SLC7A1: variants seen among roughly 807,000 people sequenced by gnomAD.
SLC7A1 encodes the protein solute carrier family 7 member 1.
A neutral mutation model predicts 53.9 loss-of-function variants in SLC7A1; 10 were observed. The observed-to-expected ratio is 0.19, with a 90% CI of 0.11 to 0.31. The LOEUF (loss-of-function observed/expected upper bound fraction) is 0.31. Among genes scored for constraint, SLC7A1 ranks in the 10% least tolerant of loss-of-function variants. The pLI is 1.00. For synonymous variants in SLC7A1, 342 were observed against 338.7 expected (o/e 1.01, Z -0.11); for missense variants, 525 against 827.2 (o/e 0.63, Z 4.48).
At chr13:29,564,091 G>C (rs1424715062) in intron 1 of SLC7A1, among the ~76,000 whole-genome samples, 1 of 152,200 alleles carries the variant, frequency 6.6e-6, no homozygotes, top group Non-Finnish European at 1.5e-5. Flanking sequence ...ATAGTGGGGA[G>C]AAAGAGGAAG....
Position 29,566,294 on chromosome 13 carries a change from A to G in SLC7A1, c.-114-12434T>C, listed in dbSNP as rs595454. 3.5e-3 allele frequency among the ~76,000 whole-genome samples: 535 copies of G among 152,368 alleles called. 4 individuals carry two copies. The highest frequency in any genetic ancestry group is 0.012 in the African/African-American group (502 of 41,594). ...TTAAGGTCAATGCTCAAGATAAAGG[A>G]AAGCAAGTGTCCACATGAAAATGTA... On this transcript the variant is annotated intron_variant, in intron 1 of 12. Coordinates refer to ENST00000380752, the MANE Select transcript of SLC7A1 (RefSeq NM_003045.5).
chr13:29,583,356 T>C (rs1345017117), intron 1 of SLC7A1, among the ~76,000 whole-genome samples: 2 of 152,370 alleles, frequency 1.3e-5, no homozygotes, highest in East Asian at 3.9e-4. Context: ...ATGCTTTCCC[T>C]CTGTCCCTGC....
intron 5 of SLC7A1, 108 bp from the exon 6 acceptor site, chr13:29,524,361 T>C: frequency 7.2e-7 from 1 of 1,391,592 alleles, no homozygotes; most frequent in Non-Finnish European, 9.8e-7. Context: ...CAGCCCTCCC[T>C]GTTACCGCTG....
intron 2 of SLC7A1, among the ~76,000 whole-genome samples, chr13:29,540,801 A>C (rs558868991): frequency 3.8e-4 from 58 of 152,286 alleles, no homozygotes; most frequent in Non-Finnish European, 2.9e-5. Flanking sequence ...GAAATCTTTC[A>C]CCCTCGCAGG....
At chr13:29,578,117 G>A (rs1333808142) in intron 1 of SLC7A1, among the ~76,000 whole-genome samples, 2 of 151,950 alleles carry the variant, frequency 1.3e-5, no homozygotes, top group African/African-American at 2.4e-5. Context: ...TCTCATTTTC[G>A]GGATCTTTCA....
intron 8 of SLC7A1, 26 bp downstream of exon 8, chr13:29,522,291 C>T: frequency 1.2e-6 from 2 of 1,612,578 alleles, no homozygotes; most frequent in African/African-American, 2.7e-5. Flanking sequence ...AAAACATTTC[C>T]ATGTGAAATG....
At chr13:29,561,953 T>A (rs1260246448) in intron 1 of SLC7A1, among the ~76,000 whole-genome samples, 1 of 152,180 alleles carries the variant, frequency 6.6e-6, no homozygotes, top group African/African-American at 2.4e-5. Context: ...GTCCTGAAAG[T>A]CCAAATCTTA....
chr13:29,564,312 T>C (rs1028877667), intron 1 of SLC7A1, among the ~76,000 whole-genome samples: 2 of 152,334 alleles, frequency 1.3e-5, no homozygotes, highest in East Asian at 3.9e-4. Flanking sequence ...GTGCCTACGA[T>C]GCACCAGTGC....
At chr13:29,560,132 TTTTTG>T (rs1431336271) in intron 1 of SLC7A1, among the ~76,000 whole-genome samples, 17 of 151,394 alleles carry the variant, frequency 1.1e-4, no homozygotes, top group African/African-American at 4.2e-4. Flanking sequence ...ATTTTGAATT[TTTTTG>T]TTTTTTTTTA....
chr13:29,572,267 C>T (rs1172510685), intron 1 of SLC7A1, among the ~76,000 whole-genome samples: 1 of 152,234 alleles, frequency 6.6e-6, no homozygotes, highest in Admixed American at 6.5e-5. Flanking sequence ...GTGCGGGCCC[C>T]CCAGCCCTCA....
chr13:29,585,775 C>G (rs1871854922), intron 1 of SLC7A1, among the ~76,000 whole-genome samples: 1 of 152,196 alleles, frequency 6.6e-6, no homozygotes, highest in South Asian at 2.1e-4. Context: ...GAGGAAAGGA[C>G]AGCTGTGACA....
At chr13:29,574,714 G>A (rs979558678) in intron 1 of SLC7A1, among the ~76,000 whole-genome samples, 1 of 143,688 alleles carries the variant, frequency 7.0e-6, no homozygotes, top group East Asian at 2.1e-4. Flanking sequence ...GTGCGATCTC[G>A]GCTCACTGCA....
At position 29,523,322 on chromosome 13, in the gene SLC7A1, G is replaced by T; in HGVS notation, c.993C>A (p.Gly331=). 3 of 1,613,818 alleles carry T rather than the reference G, an allele frequency of 1.9e-6. No individual in the cohort carries two copies. Among genetic ancestry groups the T allele is most frequent in the Middle Eastern group, 1.7e-4 (1 of 6,060 alleles). Residue 331 remains glycine, a synonymous_variant, in exon 7 of 13, where the codon GGC becomes GGA. Transcript: ENST00000380752. ...CCACTGCGTACTTGGCACCTTCCCA[G>T]CCCACGTGCTTAAAGGCGTCGGGCA... The part of the protein sequence containing the change: ...SPLPDAFKHV[G]WEGAKYAVAV...
At chr13:29,524,420 C>T (rs906963577) in intron 5 of SLC7A1, among the ~76,000 whole-genome samples, 167 bp from the exon 6 acceptor site, 4 of 152,344 alleles carry the variant, frequency 2.6e-5, no homozygotes, top group African/African-American at 7.2e-5. Flanking sequence ...ATGCTAACTC[C>T]GTGTGTGCAG....
chr13:29,536,920 A>G (rs1202723619), intron 2 of SLC7A1, among the ~76,000 whole-genome samples: 1 of 152,238 alleles, frequency 6.6e-6, no homozygotes, highest in Non-Finnish European at 1.5e-5. Flanking sequence ...TTGGGCACTT[A>G]TCATGAGAGG....
chr13:29,573,464 T>C (rs1871282292), intron 1 of SLC7A1, among the ~76,000 whole-genome samples: 1 of 152,162 alleles, frequency 6.6e-6, no homozygotes, highest in South Asian at 2.1e-4. Flanking sequence ...GGTGCAATTC[T>C]AGAGTCCAAA....
At chr13:29,530,800 G>A in intron 4 of SLC7A1, 88 bp from the exon 5 acceptor site, 1 of 1,097,130 alleles carries the variant, frequency 9.1e-7, no homozygotes, top group Non-Finnish European at 1.3e-6. Flanking sequence ...GAAGGCGACT[G>A]AAAAAGAATC....
intron 1 of SLC7A1, among the ~76,000 whole-genome samples, chr13:29,584,486 A>T (rs1871792651): frequency 6.6e-6 from 1 of 152,216 alleles, no homozygotes; most frequent in African/African-American, 2.4e-5. Flanking sequence ...AGAGTACTGT[A>T]AAGTAAGCAC....
chr13:29,563,970 G>T (rs541429887), intron 1 of SLC7A1, among the ~76,000 whole-genome samples: 13 of 152,298 alleles, frequency 8.5e-5, no homozygotes, highest in African/African-American at 3.1e-4. Flanking sequence ...CGGCCAATGA[G>T]AATTTAAAAA....
Sources: gnomAD v4.1 joint callset for allele counts (sites outside exome capture counted in the v4.1 genomes callset) on GRCh38, gnomAD v4.1.1 for gene constraint, MANE v1.5 for transcripts, NCBI Gene and HGNC (gene_info 2026-07-23, HGNC 2026-07-21) for gene names.